KIAA2012: variants seen among roughly 807,000 people sequenced by gnomAD.
KIAA2012 encodes the protein KIAA2012, also known as uncharacterized protein KIAA2012.
KIAA2012 carries 125 observed loss-of-function variants against 150.6 expected under a neutral mutation model. That is an observed-to-expected ratio of 0.83 (90% CI 0.72 to 0.96). The LOEUF is 0.96. Ranked by LOEUF, KIAA2012 falls within the 40% of genes least tolerant of loss-of-function variation. The pLI, the probability that KIAA2012 is intolerant of heterozygous loss-of-function variation, is 0.00. For synonymous variants in KIAA2012, 462 were observed against 504.7 expected, an observed-to-expected ratio of 0.92 and a Z score of 1.13; for missense variants, 1,219 against 1,354.9, an observed-to-expected ratio of 0.90 and a Z score of 1.57.
At chr2:202,203,944 T>C (rs1249923522) in intron 23 of KIAA2012, among the ~76,000 whole-genome samples, 3 of 152,076 alleles carry the variant, frequency 2.0e-5, no homozygotes, top group Admixed American at 6.6e-5. Context: ...TAATTTTTTA[T>C]ATTTTTAGTA....
Position 202,174,121 on chromosome 2 carries a change from G to A in KIAA2012, c.2119+8765G>A, listed in dbSNP as rs193216668. Reference sequence around the variant, plus strand: ...GCTGGGATTACAGTTGCTCACCACCGCACCTGGCTAATTTTTTGTATTTAG... The same window carrying A: ...GCTGGGATTACAGTTGCTCACCACCACACCTGGCTAATTTTTTGTATTTAG... On this transcript the variant is annotated intron_variant, in intron 15 of 23. Coordinates refer to ENST00000498697, the MANE Select transcript of KIAA2012 (RefSeq NM_001277372.4). Among the ~76,000 whole-genome samples, 58 of 152,078 alleles carry A rather than the reference G, an allele frequency of 3.8e-4. 1 individual carries two copies. In the East Asian group the frequency reaches 8.7e-3, roughly 23 times the overall value.
In KIAA2012 at chr2:202,188,155, A is replaced by G. The variant is rs1164367762; in HGVS notation, c.2380A>G (p.Arg794Gly). The G allele has an allele frequency of 6.5e-7, 1 of 1,549,792 alleles. No homozygotes were observed. The highest frequency in any genetic ancestry group is 1.2e-5 in the South Asian group (1 of 83,998). Reference protein sequence around the residue: ...QETSANISHERDLINEAKRKE... With the variant: ...QETSANISHEGDLINEAKRKE... ...TTCCTTGATTTTTCACCTTTAGGAG[A>G]GGGATTTGATTAACGAGGCCAAGAG... The change falls in exon 18 of 24, where the codon AGG becomes GGG. Residue 794 changes from arginine (R) to glycine (G), a missense_variant. By Grantham distance (125) the Arg-to-Gly change is moderately radical (BLOSUM62 -2). Coordinates refer to ENST00000498697, the MANE Select transcript of KIAA2012 (RefSeq NM_001277372.4).
intron 6 of KIAA2012, 81 bp from the exon 7 acceptor site, chr2:202,100,226 C>T (rs570784068): frequency 3.3e-5 from 47 of 1,405,482 alleles, no homozygotes; most frequent in African/African-American, 1.0e-4. Flanking sequence ...CCATTAACTA[C>T]GACGTGATAA....
intron 13 of KIAA2012, among the ~76,000 whole-genome samples, chr2:202,143,272 G>T (rs919205228): frequency 2.6e-5 from 4 of 151,690 alleles, no homozygotes; most frequent in Admixed American, 6.6e-5. Context: ...TTTTAGTAGA[G>T]ACAGGGTTTC....
intron 22 of KIAA2012, chr2:202,201,786 G>A (rs1692531959): frequency 1.5e-6 from 2 of 1,301,380 alleles, no homozygotes; most frequent in Non-Finnish European, 2.2e-6. Context: ...ATCAGTATAG[G>A]GTAGAGCCTG....
intron 2 of KIAA2012, among the ~76,000 whole-genome samples, chr2:202,085,955 G>T (rs538673379): frequency 6.6e-6 from 1 of 152,066 alleles, no homozygotes; most frequent in South Asian, 2.1e-4. Context: ...GGATCACGAG[G>T]TCAGGAGTTC....
intron 14 of KIAA2012, among the ~76,000 whole-genome samples, chr2:202,155,066 A>G (rs1328824310): frequency 6.6e-6 from 1 of 152,184 alleles, no homozygotes; most frequent in East Asian, 1.9e-4. Context: ...GAGGAGAAAG[A>G]GTAACTTTAA....
At chr2:202,144,431 C>T (rs1255994157) in intron 13 of KIAA2012, among the ~76,000 whole-genome samples, 1 of 152,244 alleles carries the variant, frequency 6.6e-6, no homozygotes, top group East Asian at 1.9e-4. Flanking sequence ...CCTGTGTTTA[C>T]CGCCATCTGT....
chr2:202,196,953 A>T lies in KIAA2012; in HGVS notation c.3341A>T (p.Gln1114Leu). The T allele has an allele frequency of 3.9e-6, 6 of 1,550,688 alleles. No individual in the cohort carries two copies. Among genetic ancestry groups the T allele is most frequent in the Non-Finnish European group, 5.2e-6 (6 of 1,146,978 alleles). The change falls in exon 22 of 24, where the codon CAA becomes CTA. Residue 1114 changes from glutamine to leucine, a missense_variant. Transcript: ENST00000498697. ...KARLEAEERR[Q>L]KEEEAARLAL... ...CGGCTGGAGGCAGAGGAGAGGAGGCAAAAAGAAGAGGAAGCAGCAAGACTG... is the reference window on the plus strand; with the variant it reads ...CGGCTGGAGGCAGAGGAGAGGAGGCTAAAAGAAGAGGAAGCAGCAAGACTG...
chr2:202,103,824 C>G (rs1446807944), intron 8 of KIAA2012, among the ~76,000 whole-genome samples: 5 of 152,182 alleles, frequency 3.3e-5, no homozygotes, highest in Non-Finnish European at 7.3e-5. Flanking sequence ...TCTGAGTGAC[C>G]TCTCATCCTG....
intron 15 of KIAA2012, 50 bp from the exon 16 acceptor site, chr2:202,184,703 C>A (rs1692189411): frequency 9.1e-6 from 12 of 1,320,762 alleles, no homozygotes; most frequent in African/African-American, 1.5e-5. Context: ...TGATCTCCTC[C>A]TAGGATAACT....
At chr2:202,169,265 A>G (rs1691834770) in intron 15 of KIAA2012, among the ~76,000 whole-genome samples, 1 of 152,236 alleles carries the variant, frequency 6.6e-6, no homozygotes. Context: ...CTAAGTATTC[A>G]AAGGATTCAA....
chr2:202,095,935 T>A (rs1689861459), intron 4 of KIAA2012, among the ~76,000 whole-genome samples: 1 of 151,950 alleles, frequency 6.6e-6, no homozygotes, highest in African/African-American at 2.4e-5. Flanking sequence ...GATACAAAAA[T>A]TAGCTGGGCA....
At chr2:202,192,005 C>T in intron 19 of KIAA2012, among the ~76,000 whole-genome samples, 1 of 152,172 alleles carries the variant, frequency 6.6e-6, no homozygotes, top group East Asian at 1.9e-4. Context: ...TATCTATTTA[C>T]TTATTTTATG....
intron 15 of KIAA2012, among the ~76,000 whole-genome samples, chr2:202,183,666 C>T (rs1402687594): frequency 6.6e-6 from 1 of 151,738 alleles, no homozygotes; most frequent in African/African-American, 2.4e-5. Context: ...ACCACCACAC[C>T]CAGCTAATTT....
chr2:202,132,695 T>TATATATATA (rs1690964686), intron 12 of KIAA2012, among the ~76,000 whole-genome samples: 11 of 36,138 alleles, frequency 3.0e-4, no homozygotes, highest in African/African-American at 1.1e-3. Flanking sequence ...TATATATGTA[T>TATATATATA]GTATATATAT....
At chr2:202,117,326 T>A (rs564555680) in intron 11 of KIAA2012, among the ~76,000 whole-genome samples, 35 of 152,356 alleles carry the variant, frequency 2.3e-4, no homozygotes, top group African/African-American at 8.2e-4. Flanking sequence ...ACTGATCATT[T>A]AGGGGTAAAC....
intron 11 of KIAA2012, chr2:202,116,658 T>G (rs1690535866): frequency 6.6e-6 from 1 of 152,004 alleles, no homozygotes; most frequent in African/African-American, 2.4e-5. Flanking sequence ...CCTTCCCCCT[T>G]GCAACTCTTT....
chr2:202,099,483 T>G (rs899188613), intron 5 of KIAA2012, 130 bp from the exon 6 acceptor site: 14 of 681,736 alleles, frequency 2.1e-5, no homozygotes, highest in Non-Finnish European at 3.1e-5. Context: ...ATAACCTTAT[T>G]TTTCTTCCCA....
Sources: gnomAD v4.1 joint callset for allele counts (sites outside exome capture counted in the v4.1 genomes callset) on GRCh38, gnomAD v4.1.1 for gene constraint, MANE v1.5 for transcripts, NCBI Gene and HGNC (gene_info 2026-07-23, HGNC 2026-07-21) for gene names.